TM9SF4: variants seen among roughly 807,000 people sequenced by gnomAD.
TM9SF4 encodes the protein transmembrane 9 superfamily member 4.
A neutral mutation model predicts 90.4 loss-of-function variants in TM9SF4; 26 were observed. That is an observed-to-expected ratio of 0.29 (90% confidence interval 0.21 to 0.40). The LOEUF is 0.40. Ranked by LOEUF, TM9SF4 falls within the 10% of genes least tolerant of loss-of-function variation. TM9SF4 has a pLI of 1.00. For synonymous variants in TM9SF4, 293 were observed against 315.4 expected (o/e 0.93, Z 0.75); for missense variants, 549 against 834.8 (o/e 0.66, Z 4.22).
intron 1 of TM9SF4, among the ~76,000 whole-genome samples, chr20:32,112,707 AAAC>A (rs1447729049): frequency 2.0e-5 from 3 of 151,452 alleles, no homozygotes; most frequent in Non-Finnish European, 4.4e-5. Flanking sequence ...AAAAAAAAAA[AAAC>A]AAAAAACAAA....
At chr20:32,129,150 T>C (rs2046472473) in intron 1 of TM9SF4, among the ~76,000 whole-genome samples, 2 of 152,054 alleles carry the variant, frequency 1.3e-5, no homozygotes, top group East Asian at 1.9e-4. Context: ...CACACAGTGT[T>C]CTAGCTCCTG....
At chr20:32,156,646 G>A (rs2046925690) in intron 13 of TM9SF4, among the ~76,000 whole-genome samples, 2 of 152,082 alleles carry the variant, frequency 1.3e-5, no homozygotes, top group Non-Finnish European at 2.9e-5. Flanking sequence ...TCACTCTGTT[G>A]CTCAGGCTGG....
intron 2 of TM9SF4, 138 bp downstream of exon 2, chr20:32,133,264 CT>C (rs1292333314): frequency 1.1e-5 from 7 of 652,878 alleles, no homozygotes; most frequent in Non-Finnish European, 1.8e-5. Context: ...GCCTCTCCCT[CT>C]CCCTGTGCCT....
intron 8 of TM9SF4, among the ~76,000 whole-genome samples, chr20:32,145,755 C>T (rs1042193665): frequency 1.6e-4 from 24 of 152,306 alleles, no homozygotes; most frequent in African/African-American, 5.8e-4. Flanking sequence ...CCGACCCAGT[C>T]TCTGCTCCCA....
chr20:32,159,607 G>A (rs2046983226), intron 15 of TM9SF4: 1 of 176,142 alleles, frequency 5.7e-6, no homozygotes, highest in African/African-American at 2.4e-5. Flanking sequence ...GACTTTCTTA[G>A]CTCTACCAGG....
intron 3 of TM9SF4, 146 bp from the exon 4 acceptor site, chr20:32,141,351 G>C: frequency 1.1e-6 from 1 of 938,210 alleles, no homozygotes; most frequent in Non-Finnish European, 1.6e-6. Context: ...GTGAAGCAAT[G>C]GGAAGGGCAT....
Position 32,133,084 on chromosome 20 carries a change from C to T in TM9SF4, c.87C>T (p.Val29=), listed in dbSNP as rs766006287. The stretch of plus-strand genomic sequence containing the variant: ...CAAGCGCCTTCTATGTGCCTGGGGT[C>T]GCGCCTATCAACTTCCACCAGAACG... ...CETSAFYVPG[V]APINFHQNDP... Residue 29 remains valine, a synonymous_variant, in exon 2 of 18, where the codon GTC becomes GTT. Transcript: ENST00000398022. The T allele has an allele frequency of 1.9e-5, 31 of 1,613,962 alleles. No homozygotes were observed. Among genetic ancestry groups the T allele is most frequent in the East Asian group, 1.3e-4 (6 of 44,894 alleles).
chr20:32,124,590 CTTT>C (rs34090214), intron 1 of TM9SF4, among the ~76,000 whole-genome samples: 4 of 145,298 alleles, frequency 2.8e-5, no homozygotes, highest in Non-Finnish European at 1.5e-5. Flanking sequence ...CTTTTAAAAA[CTTT>C]TTTTTTTTTT....
At chr20:32,156,774 T>TA (rs1228196682) in intron 13 of TM9SF4, among the ~76,000 whole-genome samples, 47 of 147,030 alleles carry the variant, frequency 3.2e-4, no homozygotes, top group African/African-American at 6.5e-4. Context: ...ACTCGGCAAT[T>TA]AAAAAAAAAA....
At chr20:32,146,981 A>AT in intron 9 of TM9SF4, 126 bp downstream of exon 9, 6 of 818,834 alleles carry the variant, frequency 7.3e-6, no homozygotes, top group Non-Finnish European at 9.0e-6. Flanking sequence ...AGTTTAGTAT[A>AT]CTTTTTTTTT....
At chr20:32,119,809 G>A (rs1172280771) in intron 1 of TM9SF4, among the ~76,000 whole-genome samples, 2 of 151,772 alleles carry the variant, frequency 1.3e-5, no homozygotes, top group African/African-American at 2.4e-5. Flanking sequence ...TAGCTTTTTT[G>A]TTTAGTTCTG....
chr20:32,160,820 C>T (rs1040020551), intron 16 of TM9SF4, among the ~76,000 whole-genome samples: 51 of 151,472 alleles, frequency 3.4e-4, no homozygotes, highest in Non-Finnish European at 1.8e-4. Context: ...TGTGGTGGCA[C>T]GTGCCTGTAG....
rs1657038214 is a variant in TM9SF4 at position 32,151,713 on chromosome 20, C to T, written c.1245+838C>T. Among the ~76,000 whole-genome samples, 4 of 152,224 alleles carry T rather than the reference C, an allele frequency of 2.6e-5. No individual in the cohort carries two copies. In the South Asian group the frequency reaches 6.2e-4, roughly 24 times the overall value. On this transcript the variant is annotated intron_variant, in intron 12 of 17. Transcript: ENST00000398022. Reference sequence around the variant, plus strand: ...TGTTTGTTTTTGAGATGGAGTTTTGCTCTTGTTGCCCAGGCTGGAGTACAA... The same window carrying T: ...TGTTTGTTTTTGAGATGGAGTTTTGTTCTTGTTGCCCAGGCTGGAGTACAA...
intron 4 of TM9SF4, 33 bp from the exon 5 acceptor site, chr20:32,141,733 C>T (rs566985145): frequency 1.2e-5 from 19 of 1,613,156 alleles, no homozygotes; most frequent in Middle Eastern, 1.7e-4. Flanking sequence ...GAGAGGCGGT[C>T]GAGAGGGACT....
intron 1 of TM9SF4, chr20:32,109,996 GCTGCCTTCGCCGGTT>G (rs2046116832): frequency 5.7e-6 from 8 of 1,410,044 alleles, no homozygotes. Context: ...GACCTCGGCT[GCTGCCTTCGCCGGTT>G]CCCATTCTAC....
chr20:32,139,658 C>T (rs1167843840), intron 3 of TM9SF4, among the ~76,000 whole-genome samples: 1 of 152,256 alleles, frequency 6.6e-6, no homozygotes, highest in African/African-American at 2.4e-5. Context: ...TCTTTCTCTA[C>T]CCCTGTTAGA....
intron 1 of TM9SF4, among the ~76,000 whole-genome samples, chr20:32,115,946 CA>C (rs1286472271): frequency 6.6e-6 from 1 of 151,336 alleles, no homozygotes; most frequent in African/African-American, 2.4e-5. Flanking sequence ...CTCATCTTCC[CA>C]AGTAGCTGGG....
chr20:32,145,451 G>A, intron 8 of TM9SF4, 28 bp downstream of exon 8: 1 of 1,600,848 alleles, frequency 6.2e-7, no homozygotes, highest in Non-Finnish European at 8.6e-7. Flanking sequence ...TGAGGGAAAG[G>A]GGATGGGGGT....
At chr20:32,153,177 A>G (rs1434905412) in intron 12 of TM9SF4, among the ~76,000 whole-genome samples, 2 of 152,182 alleles carry the variant, frequency 1.3e-5, no homozygotes, top group East Asian at 3.9e-4. Context: ...CATCTCTCCA[A>G]TGAAGATAGC....
Sources: gnomAD v4.1 joint callset for allele counts (sites outside exome capture counted in the v4.1 genomes callset) on GRCh38, gnomAD v4.1.1 for gene constraint, MANE v1.5 for transcripts, NCBI Gene and HGNC (gene_info 2026-07-23, HGNC 2026-07-21) for gene names.